The following OSBP2 variants were observed in gnomAD, a reference collection of about 807,000 sequenced individuals.
OSBP2 encodes the protein oxysterol-binding protein 2.
In OSBP2, 66 loss-of-function variants were observed where a neutral mutation model predicts 96.0. That is an observed-to-expected ratio of 0.69 (90% CI 0.56 to 0.84). OSBP2 has a LOEUF of 0.84. Among genes scored for constraint, OSBP2 ranks in the 40% least tolerant of loss-of-function variants. OSBP2 has a pLI of 0.00. For missense variants in OSBP2, 1,038 were observed against 1,222.7 expected, an observed-to-expected ratio of 0.85 and a Z score of 2.25; for synonymous variants, 525 against 520.9, an observed-to-expected ratio of 1.01 and a Z score of -0.11.
intron 2 of OSBP2, among the ~76,000 whole-genome samples, chr22:30,767,327 G>A (rs1170647584): frequency 6.6e-6 from 1 of 151,218 alleles, no homozygotes; most frequent in African/African-American, 2.4e-5. Flanking sequence ...AAAAAAAAAT[G>A]TTGTTATACA....
At chr22:30,887,239 T>G (rs1171170299) in intron 3 of OSBP2, among the ~76,000 whole-genome samples, 187 bp from the exon 4 acceptor site, 3 of 152,200 alleles carry the variant, frequency 2.0e-5, no homozygotes, top group African/African-American at 7.2e-5. Flanking sequence ...AAGGTCTTTA[T>G]GACCTGTATT....
chr22:30,900,760 A>G (rs995998907), intron 12 of OSBP2, among the ~76,000 whole-genome samples: 3 of 152,366 alleles, frequency 2.0e-5, no homozygotes, highest in Admixed American at 2.0e-4. Context: ...AAGAAAATCA[A>G]ATAATGGCCT....
Position 30,852,689 on chromosome 22 carries a change from C to A in OSBP2, c.854-17740C>A, listed in dbSNP as rs139683141. 5.8e-3 allele frequency among the ~76,000 whole-genome samples: 887 copies of A among 152,066 alleles called. 13 individuals are homozygous for A. The highest frequency in any genetic ancestry group is 0.019 in the African/African-American group (803 of 41,508). On this transcript the variant is annotated intron_variant, in intron 2 of 13. Transcript: ENST00000332585. ...CTACTCACTTTGAATATAATTTACT[C>A]CTCTTTTTCTAGCTTCTTAATGTAG...
Position 30,738,170 on chromosome 22 carries a change from T to G in OSBP2, c.645-2991T>G, listed in dbSNP as rs569108923. On this transcript the variant is annotated intron_variant, in intron 1 of 13. Transcript: ENST00000332585. ...TCATTTGCTCTCTTGTTGTTGGCAC[T>G]CTGGCCAAAGGACCTTTCTTTCTAT... 6.5e-4 allele frequency among the ~76,000 whole-genome samples: 99 copies of G among 152,118 alleles called. 1 individual carries two copies. Among genetic ancestry groups the G allele is most frequent in the South Asian group, 3.3e-3 (16 of 4,808 alleles).
intron 2 of OSBP2, among the ~76,000 whole-genome samples, chr22:30,758,181 C>G (rs1406395018): frequency 6.6e-6 from 1 of 152,144 alleles, no homozygotes; most frequent in Non-Finnish European, 1.5e-5. Flanking sequence ...GCAGGCCGAT[C>G]ACTTGAGGCC....
Position 30,695,337 on chromosome 22 carries a change from C to G in OSBP2, c.428C>G (p.Ser143Trp), listed in dbSNP as rs200118898. Residue 143 changes from serine (S) to tryptophan (W), a missense_variant, in exon 1 of 14, where the codon TCG becomes TGG. Transcript: ENST00000332585. The part of the protein sequence containing the change: ...SATFLRPESG[S>W]LPALKPLPLL... ...ACCTTTCTCAGACCCGAGTCAGGATCGCTGCCAGCGTTAAAGCCCCTGCCT... is the reference window on the plus strand; with the variant it reads ...ACCTTTCTCAGACCCGAGTCAGGATGGCTGCCAGCGTTAAAGCCCCTGCCT... The G allele has an allele frequency of 2.3e-4, 371 of 1,613,514 alleles. No homozygotes were observed. The highest frequency in any genetic ancestry group is 3.0e-4 in the Non-Finnish European group (357 of 1,180,048).
intron 3 of OSBP2, among the ~76,000 whole-genome samples, chr22:30,873,868 A>C (rs2039516239): frequency 6.6e-6 from 1 of 152,182 alleles, no homozygotes; most frequent in Non-Finnish European, 1.5e-5. Context: ...CTCTTCCTAC[A>C]GGGACAGGCT....
intron 2 of OSBP2, among the ~76,000 whole-genome samples, chr22:30,857,281 GC>G (rs373163491): frequency 2.2e-4 from 34 of 152,306 alleles, no homozygotes; most frequent in African/African-American, 7.9e-4. Flanking sequence ...AGCAGCTGGG[GC>G]CTTGTTTACA....
chr22:30,730,645 A>G (rs1235477258), intron 1 of OSBP2, among the ~76,000 whole-genome samples: 4 of 147,034 alleles, frequency 2.7e-5, no homozygotes, highest in Non-Finnish European at 5.9e-5. Context: ...GTTCCATATA[A>G]GACTAAGTAC....
At chr22:30,767,389 C>T (rs1261200995) in intron 2 of OSBP2, among the ~76,000 whole-genome samples, 2 of 152,238 alleles carry the variant, frequency 1.3e-5, no homozygotes, top group Middle Eastern at 3.4e-3. Context: ...ATACCTGTCA[C>T]CCAGATGCCA....
intron 2 of OSBP2, among the ~76,000 whole-genome samples, chr22:30,797,629 T>C (rs1031622272): frequency 2.3e-4 from 35 of 151,506 alleles, no homozygotes; most frequent in African/African-American, 8.5e-4. Context: ...AGACAGGCTC[T>C]CACCCAGGCT....
intron 2 of OSBP2, among the ~76,000 whole-genome samples, chr22:30,821,841 TA>T (rs2038279549): frequency 6.6e-6 from 1 of 152,260 alleles, no homozygotes; most frequent in Non-Finnish European, 1.5e-5. Flanking sequence ...ACGAATTTAT[TA>T]GAAACAGCTC....
chr22:30,740,054 C>T (rs1419026244), intron 1 of OSBP2, among the ~76,000 whole-genome samples: 1 of 152,100 alleles, frequency 6.6e-6, no homozygotes, highest in Non-Finnish European at 1.5e-5. Context: ...CCATGTTGGC[C>T]AGCTGGTCTT....
At chr22:30,872,537 G>A in intron 3 of OSBP2, 2 of 366,862 alleles carry the variant, frequency 5.5e-6, no homozygotes, top group South Asian at 4.1e-5. Context: ...CAACCCCCTG[G>A]GGTTGGTCAC....
At chr22:30,852,520 A>AT (rs553560443) in intron 2 of OSBP2, among the ~76,000 whole-genome samples, 11 of 151,236 alleles carry the variant, frequency 7.3e-5, no homozygotes, top group South Asian at 6.3e-4. Context: ...GATAATTTGT[A>AT]TTTTTTTTTA....
At chr22:30,744,048 AGGATTCCTCTCCTGTT>A (rs929538389) in intron 2 of OSBP2, among the ~76,000 whole-genome samples, 1 of 152,204 alleles carries the variant, frequency 6.6e-6, no homozygotes, top group Non-Finnish European at 1.5e-5. Flanking sequence ...CCCTCAAGGT[AGGATTCCTCTCCTGTT>A]GGCTTTTTGA....
At chr22:30,875,868 C>G (rs2039567344) in intron 3 of OSBP2, among the ~76,000 whole-genome samples, 1 of 152,260 alleles carries the variant, frequency 6.6e-6, no homozygotes, top group South Asian at 2.1e-4. Context: ...GATCCCTGCC[C>G]AGGCCTGTGC....
At chr22:30,794,647 T>C (rs2090730389) in intron 2 of OSBP2, among the ~76,000 whole-genome samples, 1 of 151,756 alleles carries the variant, frequency 6.6e-6, no homozygotes, top group Admixed American at 6.6e-5. Context: ...AATTTGCTAC[T>C]TCCCAGACAA....
intron 12 of OSBP2, among the ~76,000 whole-genome samples, chr22:30,895,230 C>G (rs1395740682): frequency 6.6e-6 from 1 of 151,504 alleles, no homozygotes; most frequent in African/African-American, 2.4e-5. Flanking sequence ...GCTAAAATAA[C>G]CCATTTAGCT....
Sources: gnomAD v4.1 joint callset for allele counts (sites outside exome capture counted in the v4.1 genomes callset) on GRCh38, gnomAD v4.1.1 for gene constraint, MANE v1.5 for transcripts, NCBI Gene and HGNC (gene_info 2026-07-23, HGNC 2026-07-21) for gene names.